The following CMIP variants were observed in gnomAD, a reference collection of about 807,000 sequenced individuals.
CMIP encodes C-Maf-inducing protein.
In CMIP, 13 loss-of-function variants were observed where a neutral mutation model predicts 97.3. The ratio of observed to expected loss-of-function variants is 0.13; its 90% CI spans 0.09 to 0.21. The LOEUF is 0.21. CMIP is among the 10% of genes least tolerant of loss of function. CMIP has a pLI of 1.00. For synonymous variants in CMIP, 538 were observed against 436.3 expected (o/e 1.23, Z -2.91); for missense variants, 847 against 1,024.9 (o/e 0.83, Z 2.37).
chr16:81,514,810 A>G (rs1055450709), intron 1 of CMIP, among the ~76,000 whole-genome samples: 4 of 152,176 alleles, frequency 2.6e-5, no homozygotes, highest in Non-Finnish European at 5.9e-5. Context: ...CTTAATACAC[A>G]ATCCTTAGGC....
At chr16:81,657,239 T>C (rs988612378) in intron 4 of CMIP, among the ~76,000 whole-genome samples, 3 of 152,174 alleles carry the variant, frequency 2.0e-5, no homozygotes, top group Admixed American at 6.5e-5. Context: ...AGAATTTGAA[T>C]TCAGCTAAAA....
At chr16:81,648,015 G>A (rs865935756) in intron 3 of CMIP, among the ~76,000 whole-genome samples, 156 of 95,148 alleles carry the variant, frequency 1.6e-3, no homozygotes, top group African/African-American at 7.1e-3. Context: ...CCCTCCCCCC[G>A]CACCCGCAGA....
chr16:81,560,250 G>A (rs1368070391), intron 1 of CMIP, among the ~76,000 whole-genome samples: 5 of 148,228 alleles, frequency 3.4e-5, no homozygotes, highest in Non-Finnish European at 7.4e-5. Flanking sequence ...ACAGAGTCTC[G>A]CTCCGTCGCC....
intron 1 of CMIP, among the ~76,000 whole-genome samples, chr16:81,525,989 TGTGTG>T (rs1367966393): frequency 9.1e-5 from 3 of 33,026 alleles, no homozygotes; most frequent in Non-Finnish European, 1.9e-4. Flanking sequence ...TGTGTGTGTG[TGTGTG>T]TGTGTGTGTG....
chr16:81,509,392 T>G (rs529287808), intron 1 of CMIP, among the ~76,000 whole-genome samples: 8 of 152,228 alleles, frequency 5.3e-5, no homozygotes, highest in Non-Finnish European at 1.0e-4. Flanking sequence ...TAGCTCGGCA[T>G]AACACATTGG....
At chr16:81,701,265 C>T (rs1349785570) in intron 15 of CMIP, among the ~76,000 whole-genome samples, 3 of 152,168 alleles carry the variant, frequency 2.0e-5, no homozygotes, top group Admixed American at 6.5e-5. Flanking sequence ...TGAGCCATTC[C>T]GTGAGTTTGA....
chr16:81,468,357 C>T (rs898470502), intron 1 of CMIP, among the ~76,000 whole-genome samples: 1 of 152,250 alleles, frequency 6.6e-6, no homozygotes, highest in Non-Finnish European at 1.5e-5. Flanking sequence ...AGAGAGAGGC[C>T]GGGGCTGGAA....
At chr16:81,636,892 A>G (rs1017379568) in intron 3 of CMIP, among the ~76,000 whole-genome samples, 4 of 134,414 alleles carry the variant, frequency 3.0e-5, no homozygotes, top group African/African-American at 1.1e-4. Flanking sequence ...ATATATGTGT[A>G]TGTCAACATA....
rs944512977 is a variant in CMIP at position 81,709,548 on chromosome 16, C to T, written c.2269-198C>T. On this transcript the variant is annotated intron_variant, in intron 20 of 20. Transcript: ENST00000537098. Reference sequence around the variant, plus strand: ...TGGGAACCCCGCTGCCTGGTTTCTCCGGGGCCAGGGCACATCCCACCTGCT... The same window carrying T: ...TGGGAACCCCGCTGCCTGGTTTCTCTGGGGCCAGGGCACATCCCACCTGCT... Among the ~76,000 whole-genome samples the T allele has an allele frequency of 3.9e-5, 6 of 152,172 alleles. No individual in the cohort carries two copies. The South Asian group carries it at 1.0e-3, about 26-fold the overall frequency.
rs60291163 is a variant in CMIP at position 81,483,599 on chromosome 16, T to TCCTCTTCCTCTTCCTCTC, written c.300+38063_300+38064insTCCTCTTCCTCTCCCTCT. On this transcript the variant is annotated intron_variant, in intron 1 of 20. Transcript: ENST00000537098. Reference sequence around the variant, plus strand: ...TTCCTCTTCCTCTTCCTCTTCCTCTTCCTCTCCCTCTCCCTGACCCTCCCC... The same window carrying TCCTCTTCCTCTTCCTCTC: ...TTCCTCTTCCTCTTCCTCTTCCTCTTCCTCTTCCTCTTCCTCTCCCTCTCCCTCTCCCTGACCCTCCCC... 1.5e-3 allele frequency among the ~76,000 whole-genome samples: 224 copies of TCCTCTTCCTCTTCCTCTC among 145,704 alleles called. 3 individuals carry two copies. Among genetic ancestry groups the TCCTCTTCCTCTTCCTCTC allele is most frequent in the African/African-American group, 5.4e-3 (212 of 39,124 alleles).
chr16:81,605,293 TG>T (rs1240428161), intron 1 of CMIP, among the ~76,000 whole-genome samples: 1 of 152,194 alleles, frequency 6.6e-6, no homozygotes, highest in Non-Finnish European at 1.5e-5. Context: ...CCGCCGGGAT[TG>T]GGGGCCAGGG....
intron 10 of CMIP, among the ~76,000 whole-genome samples, chr16:81,682,158 T>G (rs1013317103): frequency 2.7e-5 from 4 of 149,906 alleles, no homozygotes; most frequent in Non-Finnish European, 5.9e-5. Flanking sequence ...GATCCACGAT[T>G]GCACTGCTGC....
chr16:81,489,335 T>C (rs1236742250), intron 1 of CMIP, among the ~76,000 whole-genome samples: 2 of 152,162 alleles, frequency 1.3e-5, no homozygotes, highest in Non-Finnish European at 2.9e-5. Context: ...GTAGTGCTTG[T>C]TCCCCACAGA....
intron 1 of CMIP, among the ~76,000 whole-genome samples, chr16:81,577,222 C>A (rs1220047919): frequency 1.3e-5 from 2 of 150,314 alleles, no homozygotes; most frequent in Non-Finnish European, 2.9e-5. Context: ...CCTTTATCAC[C>A]ACCATCATCC....
At chr16:81,559,674 A>G (rs948647453) in intron 1 of CMIP, among the ~76,000 whole-genome samples, 9 of 152,218 alleles carry the variant, frequency 5.9e-5, no homozygotes, top group Non-Finnish European at 1.0e-4. Flanking sequence ...CCAGTCGTGC[A>G]AAAGCACAGC....
chr16:81,700,415 C>G (rs887605497), intron 15 of CMIP: 1 of 154,806 alleles, frequency 6.5e-6, no homozygotes, highest in African/African-American at 2.4e-5. Context: ...AGCAACTGTC[C>G]CAAAGTCCCC....
chr16:81,603,328 C>T (rs111487371), intron 1 of CMIP: 2 of 450,422 alleles, frequency 4.4e-6, no homozygotes, highest in Non-Finnish European at 8.9e-6. Flanking sequence ...ATGATCCGCC[C>T]ACCTTGGCCT....
rs1280150080 is a variant in CMIP, at chr16:81,627,189, TGA to T, written c.477+6265_477+6266del. Among the ~76,000 whole-genome samples the T allele has an allele frequency of 6.7e-6, 1 of 149,960 alleles. No individual in the cohort carries two copies. Among genetic ancestry groups the T allele is most frequent in the African/African-American group, 2.5e-5 (1 of 40,656 alleles). ...TGTGGCCTGTAGGGTGACTATTTTATGAGTGTGTGTGTGTGGCATGTGGGATG... is the reference window on the plus strand; with the variant it reads ...TGTGGCCTGTAGGGTGACTATTTTATGTGTGTGTGTGTGGCATGTGGGATG... On this transcript the variant is annotated intron_variant, in intron 3 of 20. Transcript: ENST00000537098. This position sits in a 1 kb window ranked among gnomAD's most constrained non-coding sequence, Gnocchi z 4.6.
At position 81,654,076 on chromosome 16, in the gene CMIP, A is replaced by C. The variant is rs555233843; in HGVS notation, c.639+1712A>C. On this transcript the variant is annotated intron_variant, in intron 4 of 20. Coordinates refer to ENST00000537098, the MANE Select transcript of CMIP (RefSeq NM_198390.3). ...CCAACTTGGCCACCACTTCAGCGCC[A>C]CCAGGCTCAACCACCACCACACCCT... 2.4e-3 allele frequency among the ~76,000 whole-genome samples: 360 copies of C among 152,304 alleles called. 1 individual carries two copies. Among genetic ancestry groups the C allele is most frequent in the Non-Finnish European group, 4.5e-3 (304 of 68,008 alleles).
Sources: gnomAD v4.1 joint callset for allele counts (sites outside exome capture counted in the v4.1 genomes callset) on GRCh38, gnomAD v4.1.1 for gene constraint, Gnocchi (gnomAD v3.1) non-coding constraint, MANE v1.5 for transcripts, NCBI Gene and HGNC (gene_info 2026-07-23, HGNC 2026-07-21) for gene names.